Variants in RCAN2 observed in about 807,000 individuals in gnomAD.
The protein encoded by RCAN2 is regulator of calcineurin 2.
A neutral mutation model predicts 23.6 loss-of-function variants in RCAN2; 9 were observed. The ratio of observed to expected loss-of-function variants is 0.38; its 90% confidence interval spans 0.23 to 0.67. RCAN2 has a LOEUF of 0.67. Among genes scored for constraint, RCAN2 ranks in the 30% least tolerant of loss-of-function variants. The pLI is 0.51. For synonymous variants in RCAN2, 109 were observed against 115.7 expected (o/e 0.94, Z 0.37); for missense variants, 273 against 302.3 (o/e 0.90, Z 0.72).
intron 2 of RCAN2, among the ~76,000 whole-genome samples, chr6:46,318,782 G>A (rs529597457): frequency 7.2e-5 from 11 of 152,162 alleles, no homozygotes; most frequent in African/African-American, 1.7e-4. Context: ...TATAATATCC[G>A]TATATACATA....
At chr6:46,487,716 C>T (rs532300661) in intron 1 of RCAN2, among the ~76,000 whole-genome samples, 1 of 152,288 alleles carries the variant, frequency 6.6e-6, no homozygotes, top group East Asian at 1.9e-4. Context: ...GGCAGGGTTC[C>T]CCTTCCAGGA....
At chr6:46,477,448 C>G (rs1022583514) in intron 1 of RCAN2, among the ~76,000 whole-genome samples, 1 of 152,160 alleles carries the variant, frequency 6.6e-6, no homozygotes, top group Non-Finnish European at 1.5e-5. Context: ...TGAATTCCAG[C>G]TATGCCACTT....
chr6:46,390,584 A>T (rs892866174), intron 2 of RCAN2, among the ~76,000 whole-genome samples: 1 of 152,242 alleles, frequency 6.6e-6, no homozygotes, highest in African/African-American at 2.4e-5. Flanking sequence ...TTAAAAATCG[A>T]TCAGTAAATA....
intron 2 of RCAN2, among the ~76,000 whole-genome samples, chr6:46,278,163 A>G (rs1767777623): frequency 6.6e-6 from 1 of 152,144 alleles, no homozygotes; most frequent in Non-Finnish European, 1.5e-5. Flanking sequence ...AATGCAGACA[A>G]GTATCTTAGC....
intron 4 of RCAN2, among the ~76,000 whole-genome samples, chr6:46,244,032 A>G (rs1300050691): frequency 6.6e-6 from 1 of 152,046 alleles, no homozygotes; most frequent in African/African-American, 2.4e-5. Context: ...TCACCTTGGG[A>G]AAGTTCATGC....
intron 2 of RCAN2, among the ~76,000 whole-genome samples, chr6:46,332,459 C>A (rs60895194): frequency 2.9e-4 from 35 of 118,688 alleles, no homozygotes; most frequent in South Asian, 1.5e-3. Context: ...TCCCTCCCCC[C>A]TCCCCCCACC....
intron 2 of RCAN2, among the ~76,000 whole-genome samples, chr6:46,432,778 GTTTCACAAT>G (rs1767252561): frequency 6.6e-6 from 1 of 152,114 alleles, no homozygotes; most frequent in Non-Finnish European, 1.5e-5. Context: ...TGATTTTGAG[GTTTCACAAT>G]TTAATAATAA....
At chr6:46,487,453 C>T (rs946141046) in intron 1 of RCAN2, among the ~76,000 whole-genome samples, 1 of 152,216 alleles carries the variant, frequency 6.6e-6, no homozygotes. Context: ...CTCTACCTTT[C>T]CCTTTCTACA....
At chr6:46,386,023 G>A (rs1315167734) in intron 2 of RCAN2, among the ~76,000 whole-genome samples, 2 of 152,058 alleles carry the variant, frequency 1.3e-5, no homozygotes, top group Admixed American at 6.6e-5. Flanking sequence ...TGACAAATGG[G>A]ATCTAATTAA....
intron 2 of RCAN2, among the ~76,000 whole-genome samples, chr6:46,400,512 A>C (rs140194071): frequency 6.6e-6 from 1 of 152,224 alleles, no homozygotes; most frequent in South Asian, 2.1e-4. Flanking sequence ...TAAAATTTGC[A>C]GAATTTCCAC....
At chr6:46,423,271 T>C (rs1766933543) in intron 2 of RCAN2, among the ~76,000 whole-genome samples, 1 of 152,232 alleles carries the variant, frequency 6.6e-6, no homozygotes, top group Admixed American at 6.5e-5. Flanking sequence ...GGAGGCCAAG[T>C]GGCTTGTCTA....
intron 2 of RCAN2, among the ~76,000 whole-genome samples, chr6:46,250,550 C>T (rs1766674383): frequency 6.6e-6 from 1 of 152,174 alleles, no homozygotes; most frequent in African/African-American, 2.4e-5. Flanking sequence ...TTCCTCCTCA[C>T]CTCCATCATT....
intron 3 of RCAN2, 26 bp from the exon 4 acceptor site, chr6:46,246,945 A>C (rs1400878688): frequency 6.8e-6 from 10 of 1,481,370 alleles, no homozygotes; most frequent in Non-Finnish European, 8.1e-6. Context: ...GAGATGAAGA[A>C]ACTTATTCAT....
intron 2 of RCAN2, among the ~76,000 whole-genome samples, chr6:46,428,671 C>A (rs1421380036): frequency 6.6e-6 from 1 of 152,194 alleles, no homozygotes; most frequent in Non-Finnish European, 1.5e-5. Context: ...GTCTTTCCAA[C>A]CATGAAGCTC....
At chr6:46,334,309 C>A (rs1159945778) in intron 2 of RCAN2, among the ~76,000 whole-genome samples, 1 of 152,220 alleles carries the variant, frequency 6.6e-6, no homozygotes, top group Non-Finnish European at 1.5e-5. Context: ...CTCTACCTTG[C>A]CCACAGCTAT....
intron 2 of RCAN2, among the ~76,000 whole-genome samples, chr6:46,307,771 T>C (rs777113223): frequency 6.6e-6 from 1 of 152,136 alleles, no homozygotes; most frequent in Non-Finnish European, 1.5e-5. Context: ...ACTGAAGGAA[T>C]GAATGAACTG....
At chr6:46,305,972 G>A (rs761020719) in intron 2 of RCAN2, among the ~76,000 whole-genome samples, 1 of 149,978 alleles carries the variant, frequency 6.7e-6, no homozygotes, top group Non-Finnish European at 1.5e-5. Context: ...CAGTCCTGGT[G>A]AGCCAAGGTG....
chr6:46,298,844 C>T (rs1762809937), intron 2 of RCAN2, among the ~76,000 whole-genome samples: 1 of 152,020 alleles, frequency 6.6e-6, no homozygotes, highest in Admixed American at 6.6e-5. Context: ...ATAGCAAAGA[C>T]ACGTAATCAA....
chr6:46,486,888 A>G (rs946321896), intron 1 of RCAN2, among the ~76,000 whole-genome samples: 3 of 152,206 alleles, frequency 2.0e-5, no homozygotes, highest in African/African-American at 7.2e-5. Flanking sequence ...CACTCACTTT[A>G]TCATTTTTAA....
Sources: gnomAD v4.1 joint callset for allele counts (sites outside exome capture counted in the v4.1 genomes callset) on GRCh38, gnomAD v4.1.1 for gene constraint, MANE v1.5 for transcripts, NCBI Gene and HGNC (gene_info 2026-07-23, HGNC 2026-07-21) for gene names.